Variants in NEB observed in about 807,000 individuals in gnomAD.
NEB encodes the protein nebulin.
In NEB, 512 loss-of-function variants were observed where a neutral mutation model predicts 952.2. The ratio of observed to expected loss-of-function variants is 0.54; its 90% CI spans 0.50 to 0.58. The LOEUF is 0.58. Among genes scored for constraint, NEB ranks in the 20% least tolerant of loss-of-function variants. The probability of loss-of-function intolerance (pLI) is 0.00; values close to 1 mark genes in which losing one functional copy is unlikely to be tolerated. For missense variants in NEB, 8,428 were observed against 9,231.1 expected, an observed-to-expected ratio of 0.91 and a Z score of 3.56; for synonymous variants, 2,900 against 3,149.8, an observed-to-expected ratio of 0.92 and a Z score of 2.66.
intron 40 of NEB, among the ~76,000 whole-genome samples, chr2:151,666,877 A>G (rs1286290402): frequency 6.6e-6 from 1 of 151,992 alleles, no homozygotes; most frequent in Non-Finnish European, 1.5e-5. Context: ...ATGCTTTTTT[A>G]TGACTATATT....
intron 135 of NEB, among the ~76,000 whole-genome samples, chr2:151,544,598 C>T (rs1180058735): frequency 1.3e-5 from 2 of 152,120 alleles, no homozygotes; most frequent in African/African-American, 2.4e-5. Context: ...AGTGCGAGTG[C>T]GGGCTGAAAT....
At position 151,656,187 on chromosome 2, in the gene NEB, T is replaced by C; in HGVS notation, c.6461A>G (p.Glu2154Gly). ...TATGCGATTCATATTCCTGGTCAGCTCAATGTTCATTGCATCTGGAAGGAG... is the reference window on the plus strand; with the variant it reads ...TATGCGATTCATATTCCTGGTCAGCCCAATGTTCATTGCATCTGGAAGGAG... ...YILLPDAMNI[E>G]LTRNMNRIQS... The change falls in exon 49 of 182, where the codon GAG becomes GGG. Residue 2154 changes from glutamate to glycine, a missense_variant. By Grantham distance (98) the Glu-to-Gly change is moderately conservative (BLOSUM62 -2). Coordinates refer to ENST00000397345, the MANE Select transcript of NEB (RefSeq NM_001164508.2). The C allele has an allele frequency of 6.2e-7, 1 of 1,607,026 alleles. No homozygotes were observed. Among genetic ancestry groups the C allele is most frequent in the Non-Finnish European group, 8.5e-7 (1 of 1,175,792 alleles).
chr2:151,550,773 G>A (rs1207085906), intron 129 of NEB, among the ~76,000 whole-genome samples: 2 of 151,842 alleles, frequency 1.3e-5, no homozygotes, highest in Admixed American at 6.6e-5. Context: ...CAAGTAGCTG[G>A]GACCACAGGT....
chr2:151,650,814 T>G lies in NEB; in HGVS notation c.6987A>C (p.Pro2329=). The G allele has an allele frequency of 6.2e-7, 1 of 1,613,966 alleles. No individual in the cohort carries two copies. Among genetic ancestry groups the G allele is most frequent in the South Asian group, 1.1e-5 (1 of 91,076 alleles). Reference sequence around the variant, plus strand: ...CTACATTCATGGACAACACAAGTTTTGGGTCATCTTGCAGACTCCGGAATC... The same window carrying G: ...CTACATTCATGGACAACACAAGTTTGGGGTCATCTTGCAGACTCCGGAATC... The part of the protein sequence containing the change: ...HVGFRSLQDD[P]KLVLSMNVAK... Residue 2329 remains proline (P), a synonymous_variant, in exon 53 of 182, where the codon CCA becomes CCC. Transcript: ENST00000397345.
chr2:151,514,335 T>G lies in NEB; in HGVS notation c.23110A>C (p.Thr7704Pro), dbSNP rs755888789. 1 of 1,612,354 alleles carries G rather than the reference T, an allele frequency of 6.2e-7. No homozygotes were observed. Among genetic ancestry groups the G allele is most frequent in the Non-Finnish European group, 8.5e-7 (1 of 1,178,454 alleles). ...TPDMLRAKNA[T>P]QILNEKEYKR... is the part of the protein sequence containing the mutation. ...GGGCCTACCTCATTGAGGATTTGAGTGGCATTCTTTGCTCTTAGCATGTCA... is the reference window on the plus strand; with the variant it reads ...GGGCCTACCTCATTGAGGATTTGAGGGGCATTCTTTGCTCTTAGCATGTCA... The change falls in exon 159 of 182, where the codon ACT becomes CCT. Residue 7704 changes from threonine (T) to proline (P), a missense_variant. This residue lies in a region of NEB where 3,374 missense variants were observed against 3,651.5 expected (regional missense o/e 0.92). Coordinates refer to ENST00000397345, the MANE Select transcript of NEB (RefSeq NM_001164508.2).
At position 151,620,391 on chromosome 2, in the gene NEB, ATT is replaced by A. The variant is rs56240091; in HGVS notation, c.10560+526_10560+527del. ...TATATATATATATATATATATATATATTTAACCAGAATTTAAACATTTAAAAA... is the reference window on the plus strand; with the variant it reads ...TATATATATATATATATATATATATATAACCAGAATTTAAACATTTAAAAA... On this transcript the variant is annotated intron_variant, in intron 72 of 181. Transcript: ENST00000397345. 5.9e-5 allele frequency among the ~76,000 whole-genome samples: 8 copies of A among 136,416 alleles called. No individual in the cohort carries two copies. In the South Asian group the frequency reaches 7.0e-4, roughly 12 times the overall value. 89.5% of individuals were successfully genotyped at this position (136,416 alleles called of 152,430 possible). A position where few individuals can be genotyped will look rare whatever the true frequency, so the allele number is the denominator to read the frequency against.
chr2:151,706,988 T>G lies in NEB; in HGVS notation c.1045A>C (p.Lys349Gln), dbSNP rs369153778. The change falls in exon 13 of 182, where the codon AAA (lysine) becomes CAA (glutamine). Residue 349 changes from lysine to glutamine, a missense_variant. Physicochemically the swap from Lys to Gln is moderately conservative, Grantham distance 53 (BLOSUM62 1). Transcript: ENST00000397345. ...AGVAASKVKY[K>Q]EDYEKNKGKA... ...CCTTTATTCTTTTCATAGTCTTCTTTGTATTTTACCTGTAGGAGTGAAATA... is the reference window on the plus strand; with the variant it reads ...CCTTTATTCTTTTCATAGTCTTCTTGGTATTTTACCTGTAGGAGTGAAATA... 121 of 1,573,630 alleles carry G rather than the reference T, an allele frequency of 7.7e-5. No individual in the cohort carries two copies. In the African/African-American group the frequency reaches 1.5e-3, roughly 20 times the overall value.
At position 151,656,200 on chromosome 2, in the gene NEB, C is replaced by A; in HGVS notation, c.6448G>T (p.Ala2150Ser). The A allele has an allele frequency of 6.2e-7, 1 of 1,609,774 alleles. No homozygotes were observed. Among genetic ancestry groups the A allele is most frequent in the Non-Finnish European group, 8.5e-7 (1 of 1,177,378 alleles). Residue 2150 changes from alanine to serine, a missense_variant, in exon 49 of 182, where the codon GCA (alanine) becomes TCA (serine). Coordinates refer to ENST00000397345, the MANE Select transcript of NEB (RefSeq NM_001164508.2). Reference sequence around the variant, plus strand: ...TTCCTGGTCAGCTCAATGTTCATTGCATCTGGAAGGAGGATGTACTTGTGA... The same window carrying A: ...TTCCTGGTCAGCTCAATGTTCATTGAATCTGGAAGGAGGATGTACTTGTGA... Reference protein sequence around the residue: ...LIHKYILLPDAMNIELTRNMN... With the variant: ...LIHKYILLPDSMNIELTRNMN...
At chr2:151,515,598 C>G (rs1036168706) in intron 157 of NEB, among the ~76,000 whole-genome samples, 5 of 152,172 alleles carry the variant, frequency 3.3e-5, no homozygotes, top group African/African-American at 1.2e-4. Flanking sequence ...CTCTGCCTCC[C>G]TGCCCCATCT....
At chr2:151,542,005 C>G (rs1307263138) in intron 135 of NEB, among the ~76,000 whole-genome samples, 1 of 152,196 alleles carries the variant, frequency 6.6e-6, no homozygotes, top group African/African-American at 2.4e-5. Context: ...TTCTTTGCCT[C>G]TCTTTTGATT....
In NEB at chr2:151,618,378, C is replaced by T. The variant is rs2098275367; in HGVS notation, c.10973G>A (p.Ser3658Asn). Residue 3658 changes from serine to asparagine, a missense_variant, in exon 74 of 182, where the codon AGT becomes AAT. Physicochemically the swap from Ser to Asn is conservative, Grantham distance 46 (BLOSUM62 1). Coordinates refer to ENST00000397345, the MANE Select transcript of NEB (RefSeq NM_001164508.2). ...VRAKRAGELL[S>N]DTIYRQRPET... is the part of the protein sequence containing the mutation. Reference sequence around the variant, plus strand: ...TGGACGCTGACGGTAGATAGTATCACTAAGTAATTCTCCAGCTCTCTTGGC... The same window carrying T: ...TGGACGCTGACGGTAGATAGTATCATTAAGTAATTCTCCAGCTCTCTTGGC... 1 of 1,613,858 alleles carries T rather than the reference C, an allele frequency of 6.2e-7. No homozygotes were observed. The highest frequency in any genetic ancestry group is 8.5e-7 in the Non-Finnish European group (1 of 1,179,878).
rs571013769 is a variant in NEB at position 151,505,482 on chromosome 2, C to G, written c.23738G>C (p.Ser7913Thr). ...AGCTGAGAGTATGGCCACTACCGAG[C>G]TAATGTGCTTCTGCGTCTCCTTCAC... The part of the protein sequence containing the change: ...KRVKETQKHI[S>T]SVMYKENLGT... The change falls in exon 165 of 182, where the codon AGC (serine) becomes ACC (threonine). Residue 7913 changes from serine (S) to threonine (T), a missense_variant. Ser to Thr is a moderately conservative substitution (Grantham distance 58). Coordinates refer to ENST00000397345, the MANE Select transcript of NEB (RefSeq NM_001164508.2). 4 of 1,613,544 alleles carry G rather than the reference C, an allele frequency of 2.5e-6. No homozygotes were observed. In the South Asian group the frequency reaches 3.3e-5, roughly 13 times the overall value.
At chr2:151,524,707 C>T (rs2084491832) in intron 151 of NEB, 91 bp from the exon 152 acceptor site, 7 of 1,058,278 alleles carry the variant, frequency 6.6e-6, no homozygotes, top group Non-Finnish European at 9.4e-6. Flanking sequence ...CACTCTGTTG[C>T]CCAGGCTTGA....
intron 124 of NEB, among the ~76,000 whole-genome samples, chr2:151,556,997 G>C (rs1291204401): frequency 2.0e-5 from 3 of 152,110 alleles, no homozygotes; most frequent in Non-Finnish European, 4.4e-5. Flanking sequence ...GCTAGAAGAA[G>C]ACAAGAAATA....
chr2:151,500,015 T>C (rs1480904469), intron 168 of NEB, among the ~76,000 whole-genome samples: 3 of 152,176 alleles, frequency 2.0e-5, no homozygotes, highest in African/African-American at 4.8e-5. Flanking sequence ...AATAATAATA[T>C]ACTTACTGTA....
In NEB at chr2:151,655,899, T is replaced by C. The variant is rs751352182; in HGVS notation, c.6620A>G (p.His2207Arg). 6.2e-7 allele frequency: 1 copy of C among 1,613,820 alleles called. No individual in the cohort carries two copies. The highest frequency in any genetic ancestry group is 2.2e-5 in the East Asian group (1 of 44,876). The change falls in exon 50 of 182, where the codon CAC becomes CGC. Residue 2207 changes from histidine to arginine, a missense_variant. This residue lies in a region of NEB where 2,851 missense variants were observed against 2,791.5 expected (regional missense o/e 1.02). Coordinates refer to ENST00000397345, the MANE Select transcript of NEB (RefSeq NM_001164508.2). ...CTTCTTAAACTGGAAGTTGCTCGGG[T>C]GCTGGCGGTATTTCTGATCACTGGC... ...EYASDQKYRQ[H>R]PSNFQFKKLT...
chr2:151,643,087 AG>A, intron 58 of NEB, 62 bp downstream of exon 58: 1 of 1,489,062 alleles, frequency 6.7e-7, no homozygotes, highest in East Asian at 2.3e-5. Flanking sequence ...TTATACAAAC[AG>A]ACTTCAGTGT....
chr2:151,665,296 A>C, intron 42 of NEB, 37 bp downstream of exon 42: 1 of 1,592,800 alleles, frequency 6.3e-7, no homozygotes, highest in Non-Finnish European at 8.6e-7. Context: ...GAACACCATG[A>C]GGGTTCCCTG....
At position 151,665,350 on chromosome 2, in the gene NEB, T is replaced by C; in HGVS notation, c.5221A>G (p.Lys1741Glu). Reference sequence around the variant, plus strand: ...GTCCTTACCTTGTCCATGTTCAGTTTGTTACTCTTGTTAAGTGCCTGTTCC... The same window carrying C: ...GTCCTTACCTTGTCCATGTTCAGTTCGTTACTCTTGTTAAGTGCCTGTTCC... Reference protein sequence around the residue: ...TMEQALNKSNKLNMDKRLYTE... With the variant: ...TMEQALNKSNELNMDKRLYTE... Residue 1741 changes from lysine (K) to glutamate (E), a missense_variant, in exon 42 of 182, where the codon AAA (lysine) becomes GAA (glutamate). Around this residue, in one of 11 missense-constraint regions of NEB, gnomAD observed 2,851 missense variants for 2,791.5 expected, o/e 1.02. Transcript: ENST00000397345. 1 of 1,613,698 alleles carries C rather than the reference T, an allele frequency of 6.2e-7. No homozygotes were observed. Among genetic ancestry groups the C allele is most frequent in the Non-Finnish European group, 8.5e-7 (1 of 1,179,766 alleles).
Sources: gnomAD v4.1 joint callset for allele counts (sites outside exome capture counted in the v4.1 genomes callset) on GRCh38, gnomAD v4.1.1 for gene constraint, gnomAD v4.1.1 regional missense constraint, MANE v1.5 for transcripts, NCBI Gene and HGNC (gene_info 2026-07-23, HGNC 2026-07-21) for gene names.